Variants in ARL15 observed in about 807,000 individuals in gnomAD.
The protein encoded by ARL15 is ADP-ribosylation factor-like protein 15.
A neutral mutation model predicts 25.2 loss-of-function variants in ARL15; 19 were observed. The observed-to-expected ratio is 0.75, with a 90% CI of 0.53 to 1.10. The LOEUF is 1.10. Among genes scored for constraint, ARL15 ranks in the 50% least tolerant of loss-of-function variants. ARL15 has a pLI of 0.00. For synonymous variants in ARL15, 94 were observed against 86.8 expected, an observed-to-expected ratio of 1.08 and a Z score of -0.46; for missense variants, 220 against 246.0, an observed-to-expected ratio of 0.89 and a Z score of 0.71.
chr5:53,992,702 C>A (rs1486342180), intron 4 of ARL15, among the ~76,000 whole-genome samples: 1 of 151,464 alleles, frequency 6.6e-6, no homozygotes, highest in East Asian at 1.9e-4. Context: ...GATGCCCATC[C>A]ATCTCAAATG....
intron 1 of ARL15, among the ~76,000 whole-genome samples, chr5:54,216,117 C>A (rs959276554): frequency 6.6e-6 from 1 of 152,138 alleles, no homozygotes; most frequent in Admixed American, 6.6e-5. Context: ...AAGTCAAACA[C>A]GAAGAAACTT....
intron 1 of ARL15, among the ~76,000 whole-genome samples, chr5:54,266,090 T>C (rs1203509158): frequency 1.3e-5 from 2 of 152,194 alleles, no homozygotes; most frequent in East Asian, 1.9e-4. Flanking sequence ...ACTTAAAATG[T>C]ATGAAAGAGA....
At chr5:54,285,106 C>T (rs769666913) in intron 1 of ARL15, among the ~76,000 whole-genome samples, 1 of 152,102 alleles carries the variant, frequency 6.6e-6, no homozygotes, top group African/African-American at 2.4e-5. Context: ...AACTCTGACC[C>T]GGTAGCCTCT....
At chr5:54,161,770 G>A (rs1466043268) in intron 2 of ARL15, among the ~76,000 whole-genome samples, 1 of 151,966 alleles carries the variant, frequency 6.6e-6, no homozygotes, top group Non-Finnish European at 1.5e-5. Context: ...GATTTCCAAT[G>A]GTTTTAAATT....
chr5:54,238,717 C>T (rs941204946), intron 1 of ARL15, among the ~76,000 whole-genome samples: 3 of 152,166 alleles, frequency 2.0e-5, no homozygotes, highest in African/African-American at 7.2e-5. Context: ...TTCCAAATCA[C>T]TCGCAAAGGA....
At chr5:54,177,074 A>AC (rs1754897527) in intron 1 of ARL15, among the ~76,000 whole-genome samples, 1 of 152,196 alleles carries the variant, frequency 6.6e-6, no homozygotes. Context: ...TGGGGGGCCA[A>AC]CCAAGGTCAT....
intron 4 of ARL15, among the ~76,000 whole-genome samples, chr5:53,926,988 A>G (rs1007354976): frequency 2.6e-5 from 4 of 151,934 alleles, no homozygotes; most frequent in Non-Finnish European, 5.9e-5. Context: ...CTCTAGCCCC[A>G]ATATCTTCCT....
At chr5:54,252,604 G>C (rs1467284217) in intron 1 of ARL15, among the ~76,000 whole-genome samples, 2 of 152,304 alleles carry the variant, frequency 1.3e-5, no homozygotes, top group East Asian at 3.9e-4. Flanking sequence ...ATGTCTAAAA[G>C]GAAGAAGCTG....
Position 53,884,901 on chromosome 5 carries a change from T to A in ARL15, c.*1660A>T, listed in dbSNP as rs1184175757. Reference sequence around the variant, plus strand: ...GTGCTGCTCAGGGATTACACAGTGTTAAAAATATTCAAGAATGCTGCAGAC... The same window carrying A: ...GTGCTGCTCAGGGATTACACAGTGTAAAAAATATTCAAGAATGCTGCAGAC... On this transcript the variant is annotated 3_prime_UTR_variant, in exon 5 of 5. Coordinates refer to ENST00000504924, the MANE Select transcript of ARL15 (RefSeq NM_019087.3). 1 of 152,466 alleles carries A rather than the reference T, an allele frequency of 6.6e-6. No individual in the cohort carries two copies. Among genetic ancestry groups the A allele is most frequent in the Non-Finnish European group, 1.5e-5 (1 of 68,012 alleles). The allele number at this position is 152,466 out of a possible 1,614,324, so 9.4% of individuals were successfully genotyped here.
At chr5:54,015,358 C>T (rs961537663) in intron 4 of ARL15, among the ~76,000 whole-genome samples, 1 of 151,430 alleles carries the variant, frequency 6.6e-6, no homozygotes. Flanking sequence ...TGTTCCCAAA[C>T]CTGAAAAAAA....
chr5:53,900,680 T>C (rs1389491622), intron 4 of ARL15, among the ~76,000 whole-genome samples: 2 of 152,178 alleles, frequency 1.3e-5, no homozygotes, highest in African/African-American at 4.8e-5. Context: ...CTATATTTCA[T>C]TCCATGTTAA....
chr5:54,257,162 T>A (rs1218064552), intron 1 of ARL15, among the ~76,000 whole-genome samples: 1 of 152,198 alleles, frequency 6.6e-6, no homozygotes, highest in Non-Finnish European at 1.5e-5. Flanking sequence ...TCTCTGCCAA[T>A]GATAAATGAA....
intron 4 of ARL15, among the ~76,000 whole-genome samples, chr5:53,953,852 A>G (rs1747054725): frequency 6.6e-6 from 1 of 152,210 alleles, no homozygotes; most frequent in Non-Finnish European, 1.5e-5. Context: ...ATTATTATGT[A>G]GGAGCCTTAC....
At chr5:54,108,229 A>G (rs1345198381) in intron 4 of ARL15, among the ~76,000 whole-genome samples, 1 of 152,140 alleles carries the variant, frequency 6.6e-6, no homozygotes, top group Non-Finnish European at 1.5e-5. Flanking sequence ...ATTGACTTCC[A>G]AACCCTCTCA....
At chr5:54,084,242 G>T (rs1751886722) in intron 4 of ARL15, among the ~76,000 whole-genome samples, 1 of 152,102 alleles carries the variant, frequency 6.6e-6, no homozygotes, top group African/African-American at 2.4e-5. Context: ...GGTCTAGAAG[G>T]CCTTTCAGGA....
rs3836818 is a variant in ARL15, at chr5:54,075,073, G to GAAAAAAAAAAAAAAAA, written c.462+38113_462+38128dup. Among the ~76,000 whole-genome samples the GAAAAAAAAAAAAAAAA allele has an allele frequency of 2.8e-4, 18 of 63,908 alleles. 3 individuals are homozygous for GAAAAAAAAAAAAAAAA. The highest frequency in any genetic ancestry group is 3.7e-4 in the Non-Finnish European group (13 of 35,258). 41.9% of individuals were successfully genotyped at this position (63,908 alleles called of 152,430 possible). A position where few individuals can be genotyped will look rare whatever the true frequency, so the allele number is the denominator to read the frequency against. ...GAATGATTCTTAGTACAGAATACAGGAAAAAAAAAAAAAAAAAAAGTCCTG... is the reference window on the plus strand; with the variant it reads ...GAATGATTCTTAGTACAGAATACAGGAAAAAAAAAAAAAAAAAAAAAAAAAAAAAAAAAAAGTCCTG... On this transcript the variant is annotated intron_variant, in intron 4 of 4. Transcript: ENST00000504924.
intron 4 of ARL15, among the ~76,000 whole-genome samples, chr5:54,054,244 A>G (rs1750788617): frequency 6.6e-6 from 1 of 152,194 alleles, no homozygotes; most frequent in Admixed American, 6.5e-5. Context: ...GTCTTATTAC[A>G]CATGTATGCA....
rs1744507232 is a variant in ARL15, at chr5:53,885,917, G to C, written c.*644C>G. ...AAACAATGTCTTTGCTCTTAAAAGA[G>C]AAGAGACTTCAGATGTAATCAAGAA... On this transcript the variant is annotated 3_prime_UTR_variant, in exon 5 of 5. Coordinates refer to ENST00000504924, the MANE Select transcript of ARL15 (RefSeq NM_019087.3). 6.6e-6 allele frequency: 1 copy of C among 152,050 alleles called. No homozygotes were observed. The highest frequency in any genetic ancestry group is 1.5e-5 in the Non-Finnish European group (1 of 68,000). The allele number at this position is 152,050 out of a possible 1,614,324, so 9.4% of individuals were successfully genotyped here.
At chr5:54,018,848 C>T (rs945259084) in intron 4 of ARL15, among the ~76,000 whole-genome samples, 14 of 152,212 alleles carry the variant, frequency 9.2e-5, no homozygotes, top group African/African-American at 3.4e-4. Context: ...AAAGTTTCTC[C>T]CTTTTCTTCA....
Sources: allele counts gnomAD v4.1 joint callset (sites outside exome capture counted in the v4.1 genomes callset), GRCh38; gene constraint gnomAD v4.1.1; transcripts MANE v1.5; gene names NCBI Gene and HGNC (gene_info 2026-07-23, HGNC 2026-07-21).